The following DSCAM variants were observed in gnomAD, a reference collection of about 807,000 sequenced individuals.
The protein encoded by DSCAM is DS cell adhesion molecule.
A neutral mutation model predicts 217.7 loss-of-function variants in DSCAM; 47 were observed. That is an observed-to-expected ratio of 0.22 (90% confidence interval 0.17 to 0.28). The LOEUF is 0.28. Among genes scored for constraint, DSCAM ranks in the 10% least tolerant of loss-of-function variants. DSCAM has a pLI of 1.00. For synonymous variants in DSCAM, 1,056 were observed against 1,015.3 expected (o/e 1.04, Z -0.76); for missense variants, 2,080 against 2,618.3 (o/e 0.79, Z 4.49).
intron 30 of DSCAM, among the ~76,000 whole-genome samples, chr21:40,045,247 G>A (rs144491652): frequency 6.6e-6 from 1 of 152,304 alleles, no homozygotes; most frequent in Non-Finnish European, 1.5e-5. Context: ...AATGATGACT[G>A]TTTTATTCAT....
chr21:40,065,925 A>G (rs1257209871), intron 27 of DSCAM, among the ~76,000 whole-genome samples: 1 of 152,214 alleles, frequency 6.6e-6, no homozygotes, highest in Non-Finnish European at 1.5e-5. Flanking sequence ...CCAAGCTGTC[A>G]TCCGGCTCCG....
chr21:40,497,750 A>G (rs2076131055), intron 3 of DSCAM, among the ~76,000 whole-genome samples: 1 of 152,258 alleles, frequency 6.6e-6, no homozygotes, highest in Admixed American at 6.5e-5. Context: ...TTATTTGTCA[A>G]TATACAAATA....
chr21:40,334,667 G>A (rs1437734701), intron 8 of DSCAM, among the ~76,000 whole-genome samples: 1 of 152,048 alleles, frequency 6.6e-6, no homozygotes, highest in African/African-American at 2.4e-5. Flanking sequence ...GTCTCACTAT[G>A]TTGCCCAGGC....
chr21:40,773,192 A>G (rs977345018), intron 1 of DSCAM, among the ~76,000 whole-genome samples: 10 of 152,194 alleles, frequency 6.6e-5, no homozygotes, highest in African/African-American at 2.2e-4. Context: ...TTCTACTTCT[A>G]GGAAACCCAG....
chr21:40,582,715 G>A (rs1031710573), intron 3 of DSCAM, among the ~76,000 whole-genome samples: 5 of 151,660 alleles, frequency 3.3e-5, no homozygotes, highest in East Asian at 3.9e-4. Context: ...GAGCATCTGC[G>A]TTTTACTAAT....
chr21:40,132,435 T>C (rs1055388380), intron 19 of DSCAM, among the ~76,000 whole-genome samples: 2 of 152,228 alleles, frequency 1.3e-5, no homozygotes, highest in Admixed American at 6.5e-5. Flanking sequence ...TTTCTAGATA[T>C]CTCTATTGAT....
chr21:40,122,469 T>C (rs937285736), intron 20 of DSCAM, among the ~76,000 whole-genome samples: 2 of 152,220 alleles, frequency 1.3e-5, no homozygotes, highest in African/African-American at 2.4e-5. Flanking sequence ...CAAGTTCTAG[T>C]GGAAAATGAG....
intron 3 of DSCAM, among the ~76,000 whole-genome samples, chr21:40,677,104 C>T (rs73905054): frequency 4.5e-4 from 69 of 152,030 alleles, no homozygotes; most frequent in African/African-American, 1.3e-3. Flanking sequence ...GTATCATCTG[C>T]AGTTTGAAAA....
chr21:40,571,855 G>T (rs2146204565), intron 3 of DSCAM, among the ~76,000 whole-genome samples: 1 of 152,284 alleles, frequency 6.6e-6, no homozygotes, highest in East Asian at 1.9e-4. Context: ...CTCCCAAAGT[G>T]CTGGGTTTAC....
intron 3 of DSCAM, among the ~76,000 whole-genome samples, chr21:40,532,911 C>T (rs767252379): frequency 5.9e-5 from 8 of 135,582 alleles, no homozygotes; most frequent in Non-Finnish European, 1.2e-4. Flanking sequence ...TGTGTGTGTG[C>T]ACACGCACGC....
intron 3 of DSCAM, among the ~76,000 whole-genome samples, chr21:40,444,199 TATCA>T (rs1228236750): frequency 6.6e-6 from 1 of 152,184 alleles, no homozygotes; most frequent in Admixed American, 6.5e-5. Flanking sequence ...GTGGCCAATC[TATCA>T]TTTTTCCCAC....
At chr21:40,428,578 T>G (rs1229582364) in intron 3 of DSCAM, among the ~76,000 whole-genome samples, 5 of 152,162 alleles carry the variant, frequency 3.3e-5, no homozygotes, top group Non-Finnish European at 4.4e-5. Context: ...CTGCAAATAC[T>G]ATTTTATTAT....
intron 3 of DSCAM, among the ~76,000 whole-genome samples, chr21:40,376,420 TTATA>T (rs2074951891): frequency 1.4e-5 from 2 of 142,912 alleles, no homozygotes; most frequent in African/African-American, 2.6e-5. Flanking sequence ...CATATATATC[TTATA>T]TAGATATCTA....
intron 20 of DSCAM, among the ~76,000 whole-genome samples, chr21:40,111,138 G>A (rs1465195812): frequency 6.6e-6 from 1 of 152,130 alleles, no homozygotes; most frequent in African/African-American, 2.4e-5. Flanking sequence ...TTGAAATGAA[G>A]GAAAAAATGT....
At chr21:40,205,096 A>G (rs2091109981) in intron 11 of DSCAM, among the ~76,000 whole-genome samples, 1 of 152,156 alleles carries the variant, frequency 6.6e-6, no homozygotes, top group Admixed American at 6.5e-5. Context: ...TGACCCAGCA[A>G]CTCTCAGGGG....
At chr21:40,752,275 G>A (rs2146564743) in intron 1 of DSCAM, among the ~76,000 whole-genome samples, 1 of 152,216 alleles carries the variant, frequency 6.6e-6, no homozygotes, top group Non-Finnish European at 1.5e-5. Context: ...TTTCTCCAAA[G>A]CCAGCTCACC....
intron 10 of DSCAM, among the ~76,000 whole-genome samples, chr21:40,290,582 C>T (rs1027803849): frequency 2.0e-5 from 3 of 152,166 alleles, no homozygotes; most frequent in African/African-American, 7.2e-5. Flanking sequence ...GATCGTGCCA[C>T]TGCACTCCAG....
At chr21:40,121,679 G>A (rs2090034905) in intron 20 of DSCAM, among the ~76,000 whole-genome samples, 1 of 76,712 alleles carries the variant, frequency 1.3e-5, no homozygotes. Context: ...TCTCATTACT[G>A]TCTTTTTTTT....
rs540705669 is a variant in DSCAM at position 40,467,373 on chromosome 21, A to G, written c.509-98128T>C. 8.5e-5 allele frequency among the ~76,000 whole-genome samples: 13 copies of G among 152,338 alleles called. No homozygotes were observed. In the South Asian group the frequency reaches 2.3e-3, roughly 27 times the overall value. On this transcript the variant is annotated intron_variant, in intron 3 of 32. Coordinates refer to ENST00000400454, the MANE Select transcript of DSCAM (RefSeq NM_001389.5). ...CAAAATAATTAGTCTTGATCTCTGTAAACACATTTAAATGTTTTATGACTT... is the reference window on the plus strand; with the variant it reads ...CAAAATAATTAGTCTTGATCTCTGTGAACACATTTAAATGTTTTATGACTT...
Sources: gnomAD v4.1 joint callset for allele counts (sites outside exome capture counted in the v4.1 genomes callset) on GRCh38, gnomAD v4.1.1 for gene constraint, MANE v1.5 for transcripts, NCBI Gene and HGNC (gene_info 2026-07-23, HGNC 2026-07-21) for gene names.